FGF12: variants seen among roughly 807,000 people sequenced by gnomAD.
FGF12 encodes fibroblast growth factor 12B.
In FGF12, 14 loss-of-function variants were observed where a neutral mutation model predicts 23.6. The ratio of observed to expected loss-of-function variants is 0.59; its 90% CI spans 0.39 to 0.93. FGF12 has a LOEUF of 0.93. FGF12 is among the 40% of genes least tolerant of loss of function. The probability of loss-of-function intolerance (pLI) is 0.00; values close to 1 mark genes in which losing one functional copy is unlikely to be tolerated. For missense variants in FGF12, 175 were observed against 217.8 expected (o/e 0.80, Z 1.24); for synonymous variants, 62 against 77.3 (o/e 0.80, Z 1.04).
At chr3:192,726,235 G>A (rs923285019) in intron 2 of FGF12, among the ~76,000 whole-genome samples, 3 of 152,114 alleles carry the variant, frequency 2.0e-5, no homozygotes, top group African/African-American at 4.8e-5. Flanking sequence ...ATAGCTTCCC[G>A]AGTTCTGGGT....
chr3:192,420,090 T>C (rs1040663720), intron 2 of FGF12, among the ~76,000 whole-genome samples: 3 of 152,144 alleles, frequency 2.0e-5, no homozygotes, highest in Non-Finnish European at 4.4e-5. Flanking sequence ...AAGATGGTCA[T>C]TGACTCTTTT....
intron 2 of FGF12, among the ~76,000 whole-genome samples, chr3:192,536,842 T>G (rs1725236373): frequency 6.6e-6 from 1 of 152,070 alleles, no homozygotes; most frequent in African/African-American, 2.4e-5. Flanking sequence ...TTTAAATATA[T>G]AGTAAATTAT....
chr3:192,554,222 C>G (rs765533715), intron 2 of FGF12, among the ~76,000 whole-genome samples: 1 of 152,144 alleles, frequency 6.6e-6, no homozygotes, highest in Admixed American at 6.5e-5. Context: ...GGTGGTCTCT[C>G]CTTTGTGGGG....
At chr3:192,665,388 A>G (rs1421258737) in intron 2 of FGF12, among the ~76,000 whole-genome samples, 1 of 152,206 alleles carries the variant, frequency 6.6e-6, no homozygotes, top group Non-Finnish European at 1.5e-5. Context: ...TGAAATCAAT[A>G]AAGGATGTGC....
intron 2 of FGF12, among the ~76,000 whole-genome samples, chr3:192,436,222 C>T (rs919058730): frequency 6.6e-6 from 1 of 152,128 alleles, no homozygotes; most frequent in Admixed American, 6.5e-5. Context: ...GCCTCCTGGG[C>T]CAAAAATTAG....
chr3:192,717,467 C>T (rs371124252), intron 2 of FGF12, among the ~76,000 whole-genome samples: 1 of 152,126 alleles, frequency 6.6e-6, no homozygotes, highest in Non-Finnish European at 1.5e-5. Flanking sequence ...TTCCAAATGT[C>T]CTTTCAATGT....
At chr3:192,506,015 T>G (rs1202525058) in intron 2 of FGF12, among the ~76,000 whole-genome samples, 2 of 152,242 alleles carry the variant, frequency 1.3e-5, no homozygotes, top group African/African-American at 2.4e-5. Context: ...ATGACCTATG[T>G]TCACTTTGGG....
chr3:192,296,622 T>C (rs1175667092), intron 4 of FGF12, among the ~76,000 whole-genome samples: 2 of 152,216 alleles, frequency 1.3e-5, no homozygotes, highest in Non-Finnish European at 2.9e-5. Flanking sequence ...TCTTTAGTTG[T>C]ACAGATTCTT....
intron 2 of FGF12, among the ~76,000 whole-genome samples, chr3:192,664,619 A>AAAAAAAT (rs3044658): frequency 3.4e-5 from 5 of 148,634 alleles, no homozygotes; most frequent in Non-Finnish European, 7.5e-5. Context: ...AAAAAAAAAA[A>AAAAAAAT]GCTGGGCATG....
intron 2 of FGF12, among the ~76,000 whole-genome samples, chr3:192,492,862 A>G (rs544616491): frequency 3.9e-5 from 6 of 151,956 alleles, no homozygotes; most frequent in Admixed American, 1.3e-4. Context: ...AATTTTTCCA[A>G]TTTATACACA....
intron 4 of FGF12, among the ~76,000 whole-genome samples, chr3:192,177,777 G>A (rs956395116): frequency 6.6e-6 from 1 of 152,098 alleles, no homozygotes; most frequent in African/African-American, 2.4e-5. Flanking sequence ...TATTAACATG[G>A]TTTGATCTCT....
chr3:192,260,149 T>A (rs925021738), intron 4 of FGF12, among the ~76,000 whole-genome samples: 8 of 152,194 alleles, frequency 5.3e-5, no homozygotes, highest in Admixed American at 5.2e-4. Flanking sequence ...AATGTTCCTA[T>A]GCCTAGCAAA....
At chr3:192,368,184 A>G (rs1161366970) in intron 2 of FGF12, among the ~76,000 whole-genome samples, 1 of 152,136 alleles carries the variant, frequency 6.6e-6, no homozygotes, top group East Asian at 1.9e-4. Context: ...AACTACTTCA[A>G]CTATGACTGC....
chr3:192,464,036 G>A (rs1442861285), intron 2 of FGF12, among the ~76,000 whole-genome samples: 2 of 152,114 alleles, frequency 1.3e-5, no homozygotes, highest in Non-Finnish European at 2.9e-5. Context: ...AGAGGCACGT[G>A]AGAAGTTTTT....
intron 2 of FGF12, among the ~76,000 whole-genome samples, chr3:192,401,032 T>C (rs1488137456): frequency 6.6e-6 from 1 of 152,246 alleles, no homozygotes; most frequent in African/African-American, 2.4e-5. Context: ...CAATATTTAC[T>C]GTATTTAGAA....
Position 192,500,855 on chromosome 3 carries a change from T to C in FGF12, c.14-140317A>G, listed in dbSNP as rs1159570167. On this transcript the variant is annotated intron_variant, in intron 2 of 5. Transcript: ENST00000445105. ...TATTGCCATTTTATGAATGGAGAAA[T>C]TGAGGCACTGAGGGGTTAAAGAACA... Among the ~76,000 whole-genome samples the C allele has an allele frequency of 3.3e-5, 5 of 152,156 alleles. No individual in the cohort carries two copies. In the East Asian group the frequency reaches 7.7e-4, roughly 23 times the overall value.
In FGF12 at chr3:192,667,037, A is replaced by C. The variant is rs375947756; in HGVS notation, c.13+60144T>G. Reference sequence around the variant, plus strand: ...AGCAAAAGGAAAAAAATCATGATTCAACATGATACAATTCACAAAGTCATA... The same window carrying C: ...AGCAAAAGGAAAAAAATCATGATTCCACATGATACAATTCACAAAGTCATA... On this transcript the variant is annotated intron_variant, in intron 2 of 5. Coordinates refer to ENST00000445105, the MANE Select transcript of FGF12 (RefSeq NM_004113.6). Among the ~76,000 whole-genome samples, 33 of 152,318 alleles carry C rather than the reference A, an allele frequency of 2.2e-4. No homozygotes were observed. In the East Asian group the frequency reaches 6.2e-3, roughly 29 times the overall value.
At chr3:192,475,817 TAGTC>T (rs1190295102) in intron 2 of FGF12, among the ~76,000 whole-genome samples, 1 of 152,160 alleles carries the variant, frequency 6.6e-6, no homozygotes, top group African/African-American at 2.4e-5. Context: ...TCCGACCTAA[TAGTC>T]AGAAAATTTC....
rs187314914 is a variant in FGF12, at chr3:192,455,718, C to T, written c.14-95180G>A. On this transcript the variant is annotated intron_variant, in intron 2 of 5. Coordinates refer to ENST00000445105, the MANE Select transcript of FGF12 (RefSeq NM_004113.6). The stretch of plus-strand genomic sequence containing the variant: ...TCTAATGCACTTAGTCTTTACCATG[C>T]TTCTGCATATTTAGATGGCTTTAAG... Among the ~76,000 whole-genome samples the T allele has an allele frequency of 2.6e-5, 4 of 152,292 alleles. No individual in the cohort carries two copies. In the East Asian group the frequency reaches 5.8e-4, roughly 22 times the overall value.
Sources: allele counts gnomAD v4.1 joint callset (sites outside exome capture counted in the v4.1 genomes callset), GRCh38; gene constraint gnomAD v4.1.1; transcripts MANE v1.5; gene names NCBI Gene and HGNC (gene_info 2026-07-23, HGNC 2026-07-21).